PGAM5: variants seen among roughly 807,000 people sequenced by gnomAD.
PGAM5 encodes PGAM family member 5, mitochondrial serine/threonine protein phosphatase.
In PGAM5, 25 loss-of-function variants were observed where a neutral mutation model predicts 30.6. The ratio of observed to expected loss-of-function variants is 0.82; its 90% confidence interval spans 0.60 to 1.14. The LOEUF (loss-of-function observed/expected upper bound fraction) is 1.14, where lower values mean the gene tolerates loss of function less well. PGAM5 is among the 50% of genes most tolerant of loss of function. PGAM5 has a pLI of 0.00. For missense variants in PGAM5, 384 were observed against 408.5 expected, an observed-to-expected ratio of 0.94 and a Z score of 0.52; for synonymous variants, 201 against 179.1, an observed-to-expected ratio of 1.12 and a Z score of -0.98.
In PGAM5 at chr12:132,710,950, C is replaced by T. The variant is rs1177049660; in HGVS notation, c.74C>T (p.Ala25Val). ...GGCTCGGCCGCCGTGCTCTTCTCGGCCGTGGCGGTAGGGAAGCCGCGCGCA... is the reference window on the plus strand; with the variant it reads ...GGCTCGGCCGCCGTGCTCTTCTCGGTCGTGGCGGTAGGGAAGCCGCGCGCA... The part of the protein sequence containing the change: ...AGGSAAVLFS[A>V]VAVGKPRAGG... Residue 25 changes from alanine to valine, a missense_variant, in exon 1 of 6, where the codon GCC becomes GTC. Coordinates refer to ENST00000498926, the MANE Select transcript of PGAM5 (RefSeq NM_001170543.2). 2.5e-6 allele frequency: 3 copies of T among 1,179,952 alleles called. No homozygotes were observed. The highest frequency in any genetic ancestry group is 3.1e-6 in the Non-Finnish European group (3 of 955,602). The allele number at this position is 1,179,952 out of a possible 1,614,324, so 73.1% of individuals were successfully genotyped here.
At position 132,722,447 on chromosome 12, in the gene PGAM5, A is replaced by C. The variant is rs1373081944; in HGVS notation, c.*1619A>C. ...TTATTTTTAGTAGAGATGGGGTTTC[A>C]CCGTGTTGGCCAGGCTGGTCTCGAA... On this transcript the variant is annotated 3_prime_UTR_variant, in exon 6 of 6. Transcript: ENST00000498926. The C allele has an allele frequency of 1.3e-5, 2 of 151,498 alleles. No individual in the cohort carries two copies. The highest frequency in any genetic ancestry group is 6.6e-5 in the Admixed American group (1 of 15,218). The allele number at this position is 151,498 out of a possible 1,614,324, so 9.4% of individuals were successfully genotyped here.
chr12:132,722,563 C>T lies in PGAM5; in HGVS notation c.*1735C>T, dbSNP rs1261953416. ...ATGCCTGGCCAGGGATTAAAATATTCAAACATGTTGTGTGTACCCAGATAT... is the reference window on the plus strand; with the variant it reads ...ATGCCTGGCCAGGGATTAAAATATTTAAACATGTTGTGTGTACCCAGATAT... On this transcript the variant is annotated 3_prime_UTR_variant, in exon 6 of 6. Transcript: ENST00000498926. 3 of 151,448 alleles carry T rather than the reference C, an allele frequency of 2.0e-5. 1 individual carries two copies. The highest frequency in any genetic ancestry group is 2.0e-4 in the Admixed American group (3 of 15,186). 9.4% of individuals were successfully genotyped at this position (151,448 alleles called of 1,614,324 possible).
intron 1 of PGAM5, among the ~76,000 whole-genome samples, chr12:132,714,049 A>G (rs551313047): frequency 2.0e-4 from 30 of 150,200 alleles, no homozygotes; most frequent in Non-Finnish European, 3.6e-4. Flanking sequence ...GCGGAGTCTC[A>G]CTCTGTCGCC....
chr12:132,720,581 C>T (rs1320544948), intron 5 of PGAM5, 97 bp from the exon 6 acceptor site: 6 of 1,305,398 alleles, frequency 4.6e-6, no homozygotes, highest in Non-Finnish European at 1.0e-6. Flanking sequence ...GCTGGGATTA[C>T]AGGTGTGAGC....
chr12:132,713,303 G>A (rs181082158), intron 1 of PGAM5, among the ~76,000 whole-genome samples: 1 of 152,316 alleles, frequency 6.6e-6, no homozygotes, highest in East Asian at 1.9e-4. Flanking sequence ...ACAGACAGAA[G>A]GCATGAGCAA....
rs776617190 is a variant in PGAM5 at position 132,714,972 on chromosome 12, C to T, written c.306C>T (p.Leu102=). The change falls in exon 2 of 6, where the codon CTC becomes CTT. Residue 102 remains leucine (L), a synonymous_variant. Coordinates refer to ENST00000498926, the MANE Select transcript of PGAM5 (RefSeq NM_001170543.2). ...CCAAGGCCACGCGGCACATCTTCCT[C>T]ATCAGGCATTCCCAGTACCACGTGG... ...YKAKATRHIF[L]IRHSQYHVDG... 3.7e-6 allele frequency: 6 copies of T among 1,613,418 alleles called. 1 individual carries two copies. Among genetic ancestry groups the T allele is most frequent in the East Asian group, 4.5e-5 (2 of 44,898 alleles).
At chr12:132,719,514 T>C (rs2043622065) in intron 5 of PGAM5, among the ~76,000 whole-genome samples, 1 of 152,222 alleles carries the variant, frequency 6.6e-6, no homozygotes, top group Admixed American at 6.5e-5. Flanking sequence ...GAGTCGTTCG[T>C]TGCCTCCTGT....
intron 2 of PGAM5, among the ~76,000 whole-genome samples, chr12:132,716,367 G>GCC (rs2043578219): frequency 6.6e-6 from 1 of 151,466 alleles, no homozygotes; most frequent in African/African-American, 2.4e-5. Context: ...TTACAGGCGT[G>GCC]AGCCACCACA....
intron 1 of PGAM5, among the ~76,000 whole-genome samples, chr12:132,713,496 C>CT (rs2043541755): frequency 6.6e-6 from 1 of 152,134 alleles, no homozygotes; most frequent in Admixed American, 6.6e-5. Flanking sequence ...CTGACTCCCC[C>CT]ATACCTGCCA....
intron 5 of PGAM5, chr12:132,718,704 C>T: frequency 1.9e-6 from 3 of 1,574,844 alleles, no homozygotes; most frequent in Non-Finnish European, 2.6e-6. Context: ...ATTGAACGTC[C>T]TGTTTCCCCT....
chr12:132,717,347 T>TGGAGGAGGGCGTGTTTGCGGGC lies in PGAM5; in HGVS notation c.371-82_371-61dup, dbSNP rs1440102098. 29 of 1,021,752 alleles carry TGGAGGAGGGCGTGTTTGCGGGC rather than the reference T, an allele frequency of 2.8e-5. No homozygotes were observed. The East Asian group carries it at 4.9e-4, about 17-fold the overall frequency. 63.3% of individuals were successfully genotyped at this position (1,021,752 alleles called of 1,614,324 possible). ...GGGCGGAGGAGGGGGTGTTTGAGGG[T>TGGAGGAGGGCGTGTTTGCGGGC]GGAGGAGGGCGTGTTTGCGGGCGGA... On this transcript the variant is annotated intron_variant, in intron 2 of 5. Transcript: ENST00000498926.
In PGAM5 at chr12:132,717,734, T is replaced by C; in HGVS notation, c.521T>C (p.Leu174Pro). 1.3e-6 allele frequency: 2 copies of C among 1,580,718 alleles called. No homozygotes were observed. The highest frequency in any genetic ancestry group is 1.7e-6 in the Non-Finnish European group (2 of 1,163,652). Residue 174 changes from leucine to proline, a missense_variant, in exon 4 of 6, where the codon CTG becomes CCG. Coordinates refer to ENST00000498926, the MANE Select transcript of PGAM5 (RefSeq NM_001170543.2). The stretch of plus-strand genomic sequence containing the variant: ...GGCGTCTGCAAAGTCAGCACAGATC[T>C]GCTGCGGGAAGGCGCCCCCATCGAG... ...LPGVCKVSTD[L>P]LREGAPIEPD...
At chr12:132,714,796 G>A (rs1330534733) in intron 1 of PGAM5, 62 bp from the exon 2 acceptor site, 2 of 1,561,098 alleles carry the variant, frequency 1.3e-6, no homozygotes, top group African/African-American at 2.7e-5. Context: ...ATAACATCTT[G>A]TCAGAAAAAC....
chr12:132,715,207 T>C (rs574011177), intron 2 of PGAM5, among the ~76,000 whole-genome samples, 171 bp downstream of exon 2: 4 of 152,304 alleles, frequency 2.6e-5, no homozygotes, highest in African/African-American at 9.6e-5. Flanking sequence ...TCCGAGACCA[T>C]CACCCCTGAA....
chr12:132,711,722 G>A (rs2043524584), intron 1 of PGAM5: 1 of 151,852 alleles, frequency 6.6e-6, no homozygotes, highest in African/African-American at 2.4e-5. Context: ...GGGGTCCCAG[G>A]CTGCACAGTG....
Position 132,721,593 on chromosome 12 carries a change from A to T in PGAM5, c.*765A>T, listed in dbSNP as rs1202625970. 6.6e-6 allele frequency: 1 copy of T among 152,088 alleles called. No homozygotes were observed. The highest frequency in any genetic ancestry group is 1.9e-4 in the East Asian group (1 of 5,164). 9.4% of individuals were successfully genotyped at this position (152,088 alleles called of 1,614,324 possible). A position where few individuals can be genotyped will look rare whatever the true frequency, so the allele number is the denominator to read the frequency against. On this transcript the variant is annotated 3_prime_UTR_variant, in exon 6 of 6. Coordinates refer to ENST00000498926, the MANE Select transcript of PGAM5 (RefSeq NM_001170543.2). ...TGGGCAAGCGAGGGAGACTTAAAGC[A>T]ATTTTTTCTTTTGAAACGGAGTTTC... is the stretch of plus-strand genomic sequence containing the variant.
Position 132,717,721 on chromosome 12 carries a change from G to A in PGAM5, c.508G>A (p.Val170Ile), listed in dbSNP as rs373019738. Residue 170 changes from valine (V) to isoleucine (I), a missense_variant, in exon 4 of 6, where the codon GTC becomes ATC. Physicochemically the swap from Val to Ile is conservative, Grantham distance 29. Transcript: ENST00000498926. The part of the protein sequence containing the change: ...ISRHLPGVCK[V>I]STDLLREGAP... ...GTGCTTCTCTGCAGGCGTCTGCAAA[G>A]TCAGCACAGATCTGCTGCGGGAAGG... 1.3e-6 allele frequency: 2 copies of A among 1,576,236 alleles called. No homozygotes were observed. Among genetic ancestry groups the A allele is most frequent in the African/African-American group, 1.4e-5 (1 of 74,062 alleles).
chr12:132,717,936 C>G (rs1280594082), intron 4 of PGAM5, 51 bp from the exon 5 acceptor site: 2 of 1,608,426 alleles, frequency 1.2e-6, no homozygotes, highest in East Asian at 2.2e-5. Context: ...CCTCCTGACA[C>G]CCGCCCTGCC....
chr12:132,717,395 G>A (rs775184158), intron 2 of PGAM5, 44 bp from the exon 3 acceptor site: 18 of 1,595,304 alleles, frequency 1.1e-5, no homozygotes, highest in Non-Finnish European at 1.5e-5. Flanking sequence ...TGAGGGTGGA[G>A]GAGGGGGTGC....
Sources: allele counts gnomAD v4.1 joint callset (sites outside exome capture counted in the v4.1 genomes callset), GRCh38; gene constraint gnomAD v4.1.1; transcripts MANE v1.5; gene names NCBI Gene and HGNC (gene_info 2026-07-23, HGNC 2026-07-21).